The following PRPF19 variants were observed in gnomAD, a reference collection of about 807,000 sequenced individuals.
The protein encoded by PRPF19 is pre-mRNA-processing factor 19.
Under a neutral mutation model 64.2 loss-of-function variants are expected in PRPF19, and 2 were observed. The ratio of observed to expected loss-of-function variants is 0.03; its 90% CI spans 0.01 to 0.10. The LOEUF (loss-of-function observed/expected upper bound fraction) is 0.10, where lower values mean the gene tolerates loss of function less well. Ranked by LOEUF, PRPF19 falls within the 10% of genes least tolerant of loss-of-function variation. PRPF19 has a pLI of 1.00. For synonymous variants in PRPF19, 226 were observed against 251.6 expected (o/e 0.90, Z 0.96); for missense variants, 314 against 650.0 (o/e 0.48, Z 5.62).
chr11:60,897,755 C>A, intron 15 of PRPF19, 91 bp downstream of exon 15: 1 of 1,101,240 alleles, frequency 9.1e-7, no homozygotes. Context: ...TAGGTAAATT[C>A]ATGCAAGCCC....
In PRPF19 at chr11:60,890,600, AGGGTAAGAGCTGTG is replaced by A; in HGVS notation, c.*552_*565del. The A allele has an allele frequency of 3.4e-6, 1 of 297,860 alleles. No homozygotes were observed. The highest frequency in any genetic ancestry group is 6.7e-6 in the Non-Finnish European group (1 of 148,904). The allele number at this position is 297,860 out of a possible 1,614,324, so 18.5% of individuals were successfully genotyped here. A position where few individuals can be genotyped will look rare whatever the true frequency, so the allele number is the denominator to read the frequency against. ...GCTGTGCAATTAAAAAAAAAAAAAA[AGGGTAAGAGCTGTG>A]AAAGGAAAGGAAGATGGGCTTCCCG... On this transcript the variant is annotated 3_prime_UTR_variant, in exon 16 of 16. Transcript: ENST00000227524.
At position 60,890,674 on chromosome 11, in the gene PRPF19, G is replaced by A. The variant is rs189983586; in HGVS notation, c.*492C>T. The A allele has an allele frequency of 6.7e-4, 301 of 451,380 alleles. 2 individuals are homozygous for A. The highest frequency in any genetic ancestry group is 5.5e-3 in the African/African-American group (275 of 49,926). 28.0% of individuals were successfully genotyped at this position (451,380 alleles called of 1,614,324 possible). ...GTCCCAGTGTGTGCTCCCTCCCCTTGACCTTCCCAGTCCCAGGTGCTCCTG... is the reference window on the plus strand; with the variant it reads ...GTCCCAGTGTGTGCTCCCTCCCCTTAACCTTCCCAGTCCCAGGTGCTCCTG... On this transcript the variant is annotated 3_prime_UTR_variant, in exon 16 of 16. Transcript: ENST00000227524.
At chr11:60,894,891 G>A in intron 15 of PRPF19, among the ~76,000 whole-genome samples, 1 of 152,182 alleles carries the variant, frequency 6.6e-6, no homozygotes, top group East Asian at 1.9e-4. Context: ...GTAATATTTT[G>A]AAAGGAATCT....
At chr11:60,894,838 C>T (rs1855902541) in intron 15 of PRPF19, among the ~76,000 whole-genome samples, 1 of 152,158 alleles carries the variant, frequency 6.6e-6, no homozygotes, top group African/African-American at 2.4e-5. Context: ...ATGTTGCAGG[C>T]ATGAAACATC....
chr11:60,897,206 T>C (rs1435918219), intron 15 of PRPF19, among the ~76,000 whole-genome samples: 1 of 152,358 alleles, frequency 6.6e-6, no homozygotes, highest in Non-Finnish European at 1.5e-5. Flanking sequence ...ACCTTTTCTA[T>C]GTTTACACTT....
rs111588629 is a variant in PRPF19 at position 60,898,360 on chromosome 11, C to T, written c.1141-89G>A. The T allele has an allele frequency of 5.2e-6, 8 of 1,536,992 alleles. No homozygotes were observed. In the African/African-American group the frequency reaches 6.9e-5, roughly 13 times the overall value. On this transcript the variant is annotated intron_variant, in intron 13 of 15. Transcript: ENST00000227524. The surrounding 1 kb of genome is among the most constrained non-coding windows in gnomAD (Gnocchi z 4.6). ...CACCAAACTCCTACCTGAGATGTCC[C>T]TCACGTCCTTCCAGGAAGGACAGCC...
chr11:60,892,057 T>C (rs1855866804), intron 15 of PRPF19, among the ~76,000 whole-genome samples: 1 of 152,212 alleles, frequency 6.6e-6, no homozygotes, highest in Admixed American at 6.5e-5. Context: ...TCAGGCACCC[T>C]GTTACCAGCA....
rs1056823673 is a variant in PRPF19 at position 60,900,576 on chromosome 11, C to T, written c.828+6G>A. 1 of 1,544,128 alleles carries T rather than the reference C, an allele frequency of 6.5e-7. No homozygotes were observed. Among genetic ancestry groups the T allele is most frequent in the African/African-American group, 1.4e-5 (1 of 72,990 alleles). ...AGAACCAAGGGTGGCGAGGAGAACC[C>T]CTTACCTGGGAAGGGTGAAACACCA... On this transcript the variant is annotated splice_donor_region_variant and intron_variant, in intron 10 of 15. Coordinates refer to ENST00000227524, the MANE Select transcript of PRPF19 (RefSeq NM_014502.5).
chr11:60,898,604 G>A lies in PRPF19; in HGVS notation c.1077C>T (p.His359=). Residue 359 remains histidine (H), a synonymous_variant, in exon 13 of 16, where the codon CAC becomes CAT. Coordinates refer to ENST00000227524, the MANE Select transcript of PRPF19 (RefSeq NM_014502.5). This position sits in a 1 kb window ranked among gnomAD's most constrained non-coding sequence, Gnocchi z 4.6. ...CTGTTCCAAAGATGAGTCCGTCAGG[G>A]TGGAACTGTGCACAGGTGAGAGCTG... ...SGCSLTCAQF[H]PDGLIFGTGT... is the part of the protein sequence containing the mutation. 1 of 1,614,138 alleles carries A rather than the reference G, an allele frequency of 6.2e-7. No individual in the cohort carries two copies. Among genetic ancestry groups the A allele is most frequent in the East Asian group, 2.2e-5 (1 of 44,882 alleles).
At chr11:60,901,690 T>A in intron 6 of PRPF19, 150 bp from the exon 7 acceptor site, 1 of 875,796 alleles carries the variant, frequency 1.1e-6, no homozygotes, top group South Asian at 1.8e-5. Context: ...TTCTCTCTTC[T>A]TACTTCCATC....
Position 60,906,248 on chromosome 11 carries a change from T to C in PRPF19, c.19+116A>G, listed in dbSNP as rs1856044613. 31 of 1,415,836 alleles carry C rather than the reference T, an allele frequency of 2.2e-5. No homozygotes were observed. In the Admixed American group the frequency reaches 5.3e-4, roughly 24 times the overall value. The allele number at this position is 1,415,836 out of a possible 1,614,324, so 87.7% of individuals were successfully genotyped here. A position where few individuals can be genotyped will look rare whatever the true frequency, so the allele number is the denominator to read the frequency against. ...GGTGCTGACAGGCCGCCGCTCGGCC[T>C]CCGGAGCGCCCCATTCCCGCCTCCA... On this transcript the variant is annotated intron_variant, in intron 1 of 15. Coordinates refer to ENST00000227524, the MANE Select transcript of PRPF19 (RefSeq NM_014502.5).
rs1156527288 is a variant in PRPF19 at position 60,890,834 on chromosome 11, C to T, written c.*332G>A. On this transcript the variant is annotated 3_prime_UTR_variant, in exon 16 of 16. Coordinates refer to ENST00000227524, the MANE Select transcript of PRPF19 (RefSeq NM_014502.5). ...GTTCCCTTGGCTCAGCCTCTCCTGT[C>T]TCACAGGAACTGCAACAAAATGGGT... is the stretch of plus-strand genomic sequence containing the variant. 2.0e-6 allele frequency: 1 copy of T among 494,666 alleles called. No homozygotes were observed. Among genetic ancestry groups the T allele is most frequent in the South Asian group, 1.5e-5 (1 of 64,978 alleles). 30.6% of individuals were successfully genotyped at this position (494,666 alleles called of 1,614,324 possible).
intron 2 of PRPF19, 56 bp from the exon 3 acceptor site, chr11:60,903,591 C>A: frequency 1.3e-6 from 2 of 1,599,612 alleles, no homozygotes; most frequent in Non-Finnish European, 1.7e-6. Context: ...CCCCCGCCAT[C>A]ACATCTTTTC....
At position 60,902,490 on chromosome 11, in the gene PRPF19, A is replaced by G; in HGVS notation, c.463-25T>C. ...CCTGAAGAGAAGAAAGGTGAGGGTG[A>G]GAGGCACAGAGCACCAAAGACACCT... On this transcript the variant is annotated intron_variant, in intron 5 of 15. Coordinates refer to ENST00000227524, the MANE Select transcript of PRPF19 (RefSeq NM_014502.5). The surrounding 1 kb of genome is among the most constrained non-coding windows in gnomAD (Gnocchi z 5.0). The G allele has an allele frequency of 6.2e-7, 1 of 1,613,080 alleles. No individual in the cohort carries two copies. The highest frequency in any genetic ancestry group is 2.2e-5 in the East Asian group (1 of 44,880).
chr11:60,891,080 C>CCCAACA lies in PRPF19; in HGVS notation c.*85_*86insTGTTGG. 1.6e-5 allele frequency: 3 copies of CCCAACA among 185,966 alleles called. No individual in the cohort carries two copies. Among genetic ancestry groups the CCCAACA allele is most frequent in the South Asian group, 7.3e-5 (2 of 27,510 alleles). 11.5% of individuals were successfully genotyped at this position (185,966 alleles called of 1,614,324 possible). ...CCCACCCCACAGAGCCCCCTCCCCC[C>CCCAACA]ATAGATTCCCCCCACCCCCCCCCCC... is the stretch of plus-strand genomic sequence containing the variant. On this transcript the variant is annotated 3_prime_UTR_variant, in exon 16 of 16. Transcript: ENST00000227524.
In PRPF19 at chr11:60,897,970, G is replaced by T. The variant is rs770402229; in HGVS notation, c.1312-19C>A. 6.2e-7 allele frequency: 1 copy of T among 1,612,946 alleles called. No individual in the cohort carries two copies. Among genetic ancestry groups the T allele is most frequent in the South Asian group, 1.1e-5 (1 of 91,026 alleles). ...ACTTTACCTGCCAGAAATAGAAAGA[G>T]AGAAGGTCACACAAGGGGAACAGAA... On this transcript the variant is annotated intron_variant, in intron 14 of 15. Transcript: ENST00000227524.
intron 10 of PRPF19, among the ~76,000 whole-genome samples, chr11:60,899,568 AATTTTCCC>A (rs1242602162): frequency 6.6e-6 from 1 of 152,242 alleles, no homozygotes; most frequent in Non-Finnish European, 1.5e-5. Context: ...AACAGAGAGC[AATTTTCCC>A]ATTTCCAGGA....
chr11:60,891,298 C>A, intron 15 of PRPF19, 35 bp from the exon 16 acceptor site: 3 of 1,489,482 alleles, frequency 2.0e-6, no homozygotes, highest in African/African-American at 2.8e-5. Context: ...TGTGAGAAGG[C>A]TTTTCCTCCT....
At chr11:60,904,722 AC>A (rs1010335888) in intron 1 of PRPF19, among the ~76,000 whole-genome samples, 2 of 152,060 alleles carry the variant, frequency 1.3e-5, no homozygotes, top group African/African-American at 4.8e-5. Flanking sequence ...TTCCCTGGGC[AC>A]CCCACCCTCC....
Sources: allele counts gnomAD v4.1 joint callset (sites outside exome capture counted in the v4.1 genomes callset), GRCh38; gene constraint gnomAD v4.1.1; non-coding constraint Gnocchi (gnomAD v3.1); transcripts MANE v1.5; gene names NCBI Gene and HGNC (gene_info 2026-07-23, HGNC 2026-07-21).